Variants in NALF1 observed in about 807,000 individuals in gnomAD.
NALF1 encodes NALCN channel auxiliary factor 1.
NALF1 carries 3 observed loss-of-function variants against 48.4 expected under a neutral mutation model. That is an observed-to-expected ratio of 0.06 (90% CI 0.03 to 0.16). NALF1 has a LOEUF of 0.16. Ranked by LOEUF, NALF1 falls within the 10% of genes least tolerant of loss-of-function variation. The pLI is 1.00. For synonymous variants in NALF1, 262 were observed against 245.7 expected, an observed-to-expected ratio of 1.07 and a Z score of -0.62; for missense variants, 526 against 571.5, an observed-to-expected ratio of 0.92 and a Z score of 0.81.
intron 1 of NALF1, among the ~76,000 whole-genome samples, chr13:107,305,779 C>T (rs9301209): frequency 0.79 from 119,638 of 152,166 alleles, 47,618 homozygotes; most frequent in Non-Finnish European, 0.85. Flanking sequence ...TTTCTTTACA[C>T]CTAAAATTCT....
chr13:107,763,826 A>G (rs1269558222), intron 1 of NALF1, among the ~76,000 whole-genome samples: 1 of 152,176 alleles, frequency 6.6e-6, no homozygotes, highest in Non-Finnish European at 1.5e-5. Context: ...AATGATCTGG[A>G]TGAGATTTCC....
At chr13:107,396,520 T>C (rs953930785) in intron 1 of NALF1, among the ~76,000 whole-genome samples, 11 of 152,142 alleles carry the variant, frequency 7.2e-5, no homozygotes, top group Non-Finnish European at 1.5e-5. Flanking sequence ...TTTAAAGCAC[T>C]CCGGGGGACT....
At chr13:107,198,107 C>CT (rs1258269217) in intron 2 of NALF1, among the ~76,000 whole-genome samples, 3 of 152,040 alleles carry the variant, frequency 2.0e-5, no homozygotes, top group Non-Finnish European at 4.4e-5. Context: ...TTTTCTTACT[C>CT]TTTCTTTTTC....
At chr13:107,411,516 T>C (rs1461487384) in intron 1 of NALF1, among the ~76,000 whole-genome samples, 1 of 152,134 alleles carries the variant, frequency 6.6e-6, no homozygotes, top group Non-Finnish European at 1.5e-5. Context: ...GGTTTATTCC[T>C]CATTCAGTTG....
chr13:107,562,850 G>A (rs777931525), intron 1 of NALF1, among the ~76,000 whole-genome samples: 24 of 151,982 alleles, frequency 1.6e-4, no homozygotes, highest in Non-Finnish European at 1.6e-4. Flanking sequence ...TTCATTTCAC[G>A]GAAAAAATTA....
intron 1 of NALF1, among the ~76,000 whole-genome samples, chr13:107,654,912 A>C (rs1594186788): frequency 6.6e-6 from 1 of 152,124 alleles, no homozygotes. Flanking sequence ...TGATCATCTC[A>C]ACAGACGTAG....
intron 1 of NALF1, among the ~76,000 whole-genome samples, chr13:107,215,278 A>G (rs1245198503): frequency 6.6e-6 from 1 of 152,030 alleles, no homozygotes; most frequent in African/African-American, 2.4e-5. Flanking sequence ...TTTGCAAGTC[A>G]CTTCATTTTG....
intron 1 of NALF1, among the ~76,000 whole-genome samples, chr13:107,632,017 A>G (rs150815085): frequency 2.6e-4 from 39 of 152,314 alleles, no homozygotes; most frequent in African/African-American, 8.4e-4. Context: ...GTCATAGTCT[A>G]CAAAGTATAA....
rs150648639 is a variant in NALF1 at position 107,245,671 on chromosome 13, A to G, written c.916-34916T>C. Among the ~76,000 whole-genome samples the G allele has an allele frequency of 1.6e-3, 250 of 152,364 alleles. 6 individuals are homozygous for G. Among genetic ancestry groups the G allele is most frequent in the Non-Finnish European group, 8.4e-4 (57 of 68,032 alleles). On this transcript the variant is annotated intron_variant, in intron 1 of 2. Transcript: ENST00000375915. ...AAAATCATATCGATTAAAAGAGCCT[A>G]TCACCCAGGCGGGAAGAAGTCATAT...
At chr13:107,390,995 T>C (rs978294980) in intron 1 of NALF1, among the ~76,000 whole-genome samples, 23 of 152,160 alleles carry the variant, frequency 1.5e-4, no homozygotes, top group Non-Finnish European at 5.9e-5. Context: ...GCATCTACCA[T>C]GTGCCAGGCA....
intron 1 of NALF1, among the ~76,000 whole-genome samples, chr13:107,588,182 G>A (rs1249683906): frequency 6.6e-6 from 1 of 152,096 alleles, no homozygotes; most frequent in African/African-American, 2.4e-5. Context: ...TCCATGGGAG[G>A]CCCCTGTTGC....
intron 1 of NALF1, among the ~76,000 whole-genome samples, chr13:107,225,264 C>A (rs1399766423): frequency 2.0e-5 from 3 of 152,150 alleles, no homozygotes; most frequent in Non-Finnish European, 4.4e-5. Context: ...CCGCCTCGGC[C>A]TCCCAAAGTA....
chr13:107,721,234 T>C (rs1020337276), intron 1 of NALF1, among the ~76,000 whole-genome samples: 1 of 152,096 alleles, frequency 6.6e-6, no homozygotes, highest in African/African-American at 2.4e-5. Flanking sequence ...CACCAAATTG[T>C]ATGAAATGAA....
At chr13:107,594,257 C>T (rs1435926008) in intron 1 of NALF1, among the ~76,000 whole-genome samples, 5 of 152,018 alleles carry the variant, frequency 3.3e-5, no homozygotes, top group African/African-American at 1.2e-4. Context: ...TACATCAATT[C>T]CCCTATTAAC....
intron 1 of NALF1, among the ~76,000 whole-genome samples, chr13:107,823,308 C>T (rs1044294353): frequency 5.5e-4 from 84 of 152,286 alleles, no homozygotes; most frequent in African/African-American, 1.9e-3. Context: ...TCAAGACCCT[C>T]ACCCTTGCTC....
intron 1 of NALF1, among the ~76,000 whole-genome samples, chr13:107,443,539 A>G (rs1884600523): frequency 6.6e-6 from 1 of 152,166 alleles, no homozygotes; most frequent in Admixed American, 6.5e-5. Context: ...TTAAATGTTA[A>G]TGTTTATTTG....
intron 2 of NALF1, among the ~76,000 whole-genome samples, chr13:107,172,548 G>A (rs1368846189): frequency 1.3e-5 from 2 of 151,698 alleles, no homozygotes; most frequent in African/African-American, 2.4e-5. Context: ...TTCTTCTTAG[G>A]CATTCAAAGG....
At chr13:107,347,739 T>C (rs9559012) in intron 1 of NALF1, among the ~76,000 whole-genome samples, 29,705 of 152,158 alleles carry the variant, frequency 0.2, 3,116 homozygotes, top group East Asian at 0.38. Flanking sequence ...CAACCATACC[T>C]CTGTAAGGGA....
chr13:107,536,086 T>C (rs1876798406), intron 1 of NALF1, among the ~76,000 whole-genome samples: 1 of 152,130 alleles, frequency 6.6e-6, no homozygotes, highest in Non-Finnish European at 1.5e-5. Context: ...TCAAGATGGA[T>C]TAAAGAATTA....
Sources: gnomAD v4.1 joint callset for allele counts (sites outside exome capture counted in the v4.1 genomes callset) on GRCh38, gnomAD v4.1.1 for gene constraint, MANE v1.5 for transcripts, NCBI Gene and HGNC (gene_info 2026-07-23, HGNC 2026-07-21) for gene names.